Variants in PDE4B observed in about 807,000 individuals in gnomAD.
The protein encoded by PDE4B is phosphodiesterase 4B, also known as 3',5'-cyclic-AMP phosphodiesterase 4B.
A neutral mutation model predicts 82.2 loss-of-function variants in PDE4B; 20 were observed. That is an observed-to-expected ratio of 0.24 (90% confidence interval 0.17 to 0.35). The LOEUF (loss-of-function observed/expected upper bound fraction) is 0.35, where lower values mean the gene tolerates loss of function less well. Among genes scored for constraint, PDE4B ranks in the 10% least tolerant of loss-of-function variants. The probability of loss-of-function intolerance (pLI) is 1.00; values close to 1 mark genes in which losing one functional copy is unlikely to be tolerated. For synonymous variants in PDE4B, 320 were observed against 318.9 expected (o/e 1.00, Z -0.04); for missense variants, 655 against 907.2 (o/e 0.72, Z 3.57).
At chr1:65,794,108 A>G (rs1029777338) in intron 1 of PDE4B, among the ~76,000 whole-genome samples, 2 of 152,194 alleles carry the variant, frequency 1.3e-5, no homozygotes, top group Admixed American at 6.5e-5. Context: ...CAAGACTTTG[A>G]GACGGTCACC....
At chr1:66,268,188 CAGAG>C (rs142564069) in intron 7 of PDE4B, among the ~76,000 whole-genome samples, 8 of 150,940 alleles carry the variant, frequency 5.3e-5, no homozygotes, top group Non-Finnish European at 1.2e-4. Flanking sequence ...TGGAGCAATT[CAGAG>C]AGAGAGAGAG....
intron 3 of PDE4B, among the ~76,000 whole-genome samples, chr1:66,060,294 G>T (rs1655517594): frequency 6.6e-6 from 1 of 152,124 alleles, no homozygotes; most frequent in Admixed American, 6.6e-5. Flanking sequence ...AAAGTAGAAA[G>T]AAAAATACAT....
chr1:66,359,638 G>C (rs1009525557), intron 9 of PDE4B, among the ~76,000 whole-genome samples: 1 of 152,148 alleles, frequency 6.6e-6, no homozygotes, highest in Non-Finnish European at 1.5e-5. Context: ...AAGGGAAAAG[G>C]CTGCTGGTCC....
intron 3 of PDE4B, among the ~76,000 whole-genome samples, chr1:66,227,442 A>G (rs1651544789): frequency 6.6e-6 from 1 of 152,246 alleles, no homozygotes; most frequent in African/African-American, 2.4e-5. Flanking sequence ...TTGATTGTGA[A>G]GATTAAATAA....
At chr1:66,352,311 G>A (rs187701831) in intron 8 of PDE4B, among the ~76,000 whole-genome samples, 4 of 152,280 alleles carry the variant, frequency 2.6e-5, no homozygotes, top group Non-Finnish European at 5.9e-5. Context: ...CTGGGAAGGA[G>A]GAAGGTGATA....
At chr1:66,051,646 C>G (rs1655034220) in intron 3 of PDE4B, among the ~76,000 whole-genome samples, 1 of 151,964 alleles carries the variant, frequency 6.6e-6, no homozygotes, top group South Asian at 2.1e-4. Flanking sequence ...TGAATAGATG[C>G]TATTAAAATG....
At chr1:65,904,861 AGATTTAGG>A (rs1647010691) in intron 1 of PDE4B, among the ~76,000 whole-genome samples, 1 of 152,200 alleles carries the variant, frequency 6.6e-6, no homozygotes, top group Non-Finnish European at 1.5e-5. Context: ...ATGAGATGAT[AGATTTAGG>A]GACTATAGAA....
At chr1:65,868,579 T>C (rs1363231405) in intron 1 of PDE4B, among the ~76,000 whole-genome samples, 1 of 152,226 alleles carries the variant, frequency 6.6e-6, no homozygotes, top group Non-Finnish European at 1.5e-5. Context: ...GCACCAACTA[T>C]GTGAGAGGGA....
intron 8 of PDE4B, among the ~76,000 whole-genome samples, chr1:66,343,610 G>A (rs892403579): frequency 1.3e-5 from 2 of 152,298 alleles, no homozygotes; most frequent in South Asian, 4.1e-4. Context: ...TGCAGGATTC[G>A]GGCTAATACA....
chr1:66,194,305 G>A (rs778298241), intron 3 of PDE4B, among the ~76,000 whole-genome samples: 9 of 151,986 alleles, frequency 5.9e-5, no homozygotes, highest in Non-Finnish European at 8.8e-5. Context: ...CTATCTAATA[G>A]CATACTTAGC....
At position 65,802,270 on chromosome 1, in the gene PDE4B, G is replaced by A. The variant is rs560679866; in HGVS notation, c.-71+9022G>A. On this transcript the variant is annotated intron_variant, in intron 1 of 16. Coordinates refer to ENST00000341517, the MANE Select transcript of PDE4B (RefSeq NM_002600.4). ...GCTCCTTCCTGCTTTTGACTCCACTGTAATTAGTGTCTCCTGGTTGAAAGT... is the reference window on the plus strand; with the variant it reads ...GCTCCTTCCTGCTTTTGACTCCACTATAATTAGTGTCTCCTGGTTGAAAGT... Among the ~76,000 whole-genome samples, 12 of 152,280 alleles carry A rather than the reference G, an allele frequency of 7.9e-5. No individual in the cohort carries two copies. In the South Asian group the frequency reaches 2.5e-3, roughly 32 times the overall value.
intron 1 of PDE4B, among the ~76,000 whole-genome samples, chr1:65,882,641 A>G (rs1010072810): frequency 2.6e-5 from 4 of 151,116 alleles, no homozygotes; most frequent in African/African-American, 9.7e-5. Flanking sequence ...AAAAGATTTT[A>G]AATAGAATTT....
At chr1:66,297,849 G>A (rs1436333787) in intron 7 of PDE4B, among the ~76,000 whole-genome samples, 1 of 152,112 alleles carries the variant, frequency 6.6e-6, no homozygotes, top group East Asian at 1.9e-4. Context: ...TCATCATGGT[G>A]TAGGTAGTAA....
At chr1:66,198,264 A>G (rs1215250862) in intron 3 of PDE4B, among the ~76,000 whole-genome samples, 2 of 152,160 alleles carry the variant, frequency 1.3e-5, no homozygotes, top group Non-Finnish European at 2.9e-5. Context: ...GAGTGATTGC[A>G]AAATAGCTGG....
intron 9 of PDE4B, 57 bp downstream of exon 9, chr1:66,355,677 C>G: frequency 1.0e-6 from 1 of 999,328 alleles, no homozygotes; most frequent in Non-Finnish European, 1.6e-6. Context: ...GAATTAATTT[C>G]TACAACCTAT....
chr1:66,051,382 G>A (rs1655018335), intron 3 of PDE4B, among the ~76,000 whole-genome samples: 1 of 152,052 alleles, frequency 6.6e-6, no homozygotes, highest in Admixed American at 6.6e-5. Context: ...GTCAGTATAG[G>A]AGAGAACCAA....
At chr1:66,189,043 C>G (rs955283519) in intron 3 of PDE4B, among the ~76,000 whole-genome samples, 1 of 133,790 alleles carries the variant, frequency 7.5e-6, no homozygotes, top group Non-Finnish European at 1.6e-5. Context: ...GTGACAAAAT[C>G]TCTCAGCATT....
chr1:66,111,324 C>T (rs1403698904), intron 3 of PDE4B, among the ~76,000 whole-genome samples: 2 of 152,148 alleles, frequency 1.3e-5, no homozygotes, highest in Admixed American at 1.3e-4. Context: ...ACATTAAGTA[C>T]ATTAACACTG....
chr1:66,055,852 T>A (rs1655266709), intron 3 of PDE4B, among the ~76,000 whole-genome samples: 1 of 152,176 alleles, frequency 6.6e-6, no homozygotes, highest in African/African-American at 2.4e-5. Context: ...AGATGTTAGA[T>A]TGAGGTAGAC....
Sources: allele counts gnomAD v4.1 joint callset (sites outside exome capture counted in the v4.1 genomes callset), GRCh38; gene constraint gnomAD v4.1.1; transcripts MANE v1.5; gene names NCBI Gene and HGNC (gene_info 2026-07-23, HGNC 2026-07-21).